The following NPLOC4 variants were observed in gnomAD, a reference collection of about 807,000 sequenced individuals.
NPLOC4 encodes nuclear protein localization protein 4 homolog.
A neutral mutation model predicts 80.6 loss-of-function variants in NPLOC4; 18 were observed. The ratio of observed to expected loss-of-function variants is 0.22; its 90% CI spans 0.15 to 0.33. The LOEUF (loss-of-function observed/expected upper bound fraction) is 0.33, where lower values mean the gene tolerates loss of function less well. Ranked by LOEUF, NPLOC4 falls within the 10% of genes least tolerant of loss-of-function variation. NPLOC4 has a pLI of 1.00. For synonymous variants in NPLOC4, 313 were observed against 301.5 expected (o/e 1.04, Z -0.39); for missense variants, 540 against 786.1 (o/e 0.69, Z 3.74).
At position 81,583,867 on chromosome 17, in the gene NPLOC4, G is replaced by A. The variant is rs141421364; in HGVS notation, c.1281+5077C>T. The stretch of plus-strand genomic sequence containing the variant: ...CACATCCATGTGCAAATGCCTATAC[G>A]TGTCTTCAAGAAAATAACAAAAAAA... On this transcript the variant is annotated intron_variant, in intron 12 of 16. Transcript: ENST00000331134. 8.9e-4 allele frequency among the ~76,000 whole-genome samples: 136 copies of A among 152,256 alleles called. No homozygotes were observed. In the East Asian group the frequency reaches 0.019, roughly 22 times the overall value.
At chr17:81,601,425 T>C (rs532647403) in intron 8 of NPLOC4, among the ~76,000 whole-genome samples, 1 of 152,294 alleles carries the variant, frequency 6.6e-6, no homozygotes, top group East Asian at 1.9e-4. Context: ...AAGCAAATTT[T>C]TGTGTGTGTA....
At chr17:81,594,692 G>A (rs530998862) in intron 11 of NPLOC4, among the ~76,000 whole-genome samples, 304 of 152,010 alleles carry the variant, frequency 2.0e-3, no homozygotes, top group African/African-American at 6.9e-3. Context: ...GGAGAATTGC[G>A]TGAACCCGGG....
chr17:81,634,058 C>T (rs776289742), intron 1 of NPLOC4, among the ~76,000 whole-genome samples: 18 of 150,830 alleles, frequency 1.2e-4, no homozygotes, highest in Non-Finnish European at 2.1e-4. Context: ...TTTTAGTAGA[C>T]GTGGGGTTTC....
intron 12 of NPLOC4, among the ~76,000 whole-genome samples, chr17:81,582,449 T>C (rs1228856679): frequency 6.6e-6 from 1 of 152,222 alleles, no homozygotes; most frequent in Non-Finnish European, 1.5e-5. Flanking sequence ...TCGCCCAGGC[T>C]GGAGTACAGT....
intron 12 of NPLOC4, among the ~76,000 whole-genome samples, chr17:81,574,528 GT>G (rs993503200): frequency 3.3e-5 from 5 of 152,094 alleles, no homozygotes; most frequent in African/African-American, 1.2e-4. Flanking sequence ...CTGGGAGGAG[GT>G]TGTCTTAATT....
chr17:81,575,163 G>A (rs536017479), intron 12 of NPLOC4, among the ~76,000 whole-genome samples: 1 of 152,206 alleles, frequency 6.6e-6, no homozygotes, highest in African/African-American at 2.4e-5. Flanking sequence ...GCAGTGGCGC[G>A]GTCTCGGCTC....
intron 16 of NPLOC4, chr17:81,562,944 A>AG (rs2033892442): frequency 6.9e-6 from 1 of 144,830 alleles, no homozygotes; most frequent in African/African-American, 2.6e-5. Flanking sequence ...TCTCAAAAAA[A>AG]AAAGGAGGGG....
At chr17:81,579,088 A>G (rs1236626715) in intron 12 of NPLOC4, among the ~76,000 whole-genome samples, 1 of 152,200 alleles carries the variant, frequency 6.6e-6, no homozygotes, top group East Asian at 1.9e-4. Context: ...GACTGCATGC[A>G]TTACTGTTTA....
rs1157840160 is a variant in NPLOC4 at position 81,601,955 on chromosome 17, G to A, written c.835-1528C>T. On this transcript the variant is annotated intron_variant, in intron 8 of 16. Transcript: ENST00000331134. ...GGCACCCCAGCCTGCCTCCCAGGCA[G>A]GTTATCTAAATAGGAGGCTAGCCAT... 2.6e-5 allele frequency among the ~76,000 whole-genome samples: 4 copies of A among 152,288 alleles called. No homozygotes were observed. In the South Asian group the frequency reaches 6.2e-4, roughly 24 times the overall value.
chr17:81,615,100 C>CTTT (rs1555686152), intron 3 of NPLOC4, among the ~76,000 whole-genome samples: 5 of 133,578 alleles, frequency 3.7e-5, no homozygotes, highest in Non-Finnish European at 7.8e-5. Context: ...ACGTCTGTTT[C>CTTT]TTTTTTTTTT....
intron 1 of NPLOC4, among the ~76,000 whole-genome samples, chr17:81,634,132 A>G (rs534580605): frequency 6.6e-6 from 1 of 151,626 alleles, no homozygotes; most frequent in Non-Finnish European, 1.5e-5. Flanking sequence ...TCGGCCTTCC[A>G]AAGTGCTAGG....
Position 81,567,219 on chromosome 17 carries a change from T to C in NPLOC4, c.1566+198A>G, listed in dbSNP as rs751946257. On this transcript the variant is annotated intron_variant, in intron 15 of 16. Coordinates refer to ENST00000331134, the MANE Select transcript of NPLOC4 (RefSeq NM_017921.4). The surrounding 1 kb of genome is among the most constrained non-coding windows in gnomAD (Gnocchi z 4.5). ...ATGCTAAAGGTGAAAAAATTAATCTTTCTATCAACAAGCTTCTTGTGAAAA... is the reference window on the plus strand; with the variant it reads ...ATGCTAAAGGTGAAAAAATTAATCTCTCTATCAACAAGCTTCTTGTGAAAA... 3.5e-5 allele frequency among the ~76,000 whole-genome samples: 4 copies of C among 114,298 alleles called. No individual in the cohort carries two copies. Among genetic ancestry groups the C allele is most frequent in the African/African-American group, 8.1e-5 (3 of 37,260 alleles). 75.0% of individuals were successfully genotyped at this position (114,298 alleles called of 152,430 possible). A position where few individuals can be genotyped will look rare whatever the true frequency, so the allele number is the denominator to read the frequency against.
intron 1 of NPLOC4, among the ~76,000 whole-genome samples, chr17:81,635,045 T>C (rs2036029362): frequency 6.6e-6 from 1 of 152,084 alleles, no homozygotes; most frequent in East Asian, 1.9e-4. Context: ...ATGTTTTTAA[T>C]TAAAAAGATT....
intron 12 of NPLOC4, among the ~76,000 whole-genome samples, chr17:81,573,935 A>G (rs1305399420): frequency 6.6e-6 from 1 of 152,176 alleles, no homozygotes; most frequent in Non-Finnish European, 1.5e-5. Context: ...CTTCCACGTG[A>G]CGAGTGGCTG....
intron 12 of NPLOC4, among the ~76,000 whole-genome samples, chr17:81,578,751 C>T (rs1354107458): frequency 3.3e-5 from 5 of 152,194 alleles, no homozygotes; most frequent in African/African-American, 9.7e-5. Flanking sequence ...TTATCTCCAC[C>T]TCATCTCTCC....
chr17:81,600,960 C>T (rs187790602), intron 8 of NPLOC4, among the ~76,000 whole-genome samples: 31 of 152,180 alleles, frequency 2.0e-4, no homozygotes, highest in African/African-American at 6.7e-4. Flanking sequence ...CCACAGAGAG[C>T]GATGAGCTCA....
At position 81,557,935 on chromosome 17, in the gene NPLOC4, TG is replaced by T. The variant is rs2033696016; in HGVS notation, c.*1323del. 1 of 152,736 alleles carries T rather than the reference TG, an allele frequency of 6.5e-6. No homozygotes were observed. The highest frequency in any genetic ancestry group is 2.1e-4 in the South Asian group (1 of 4,844). The allele number at this position is 152,736 out of a possible 1,614,324, so 9.5% of individuals were successfully genotyped here. ...TGTTCTCTGTTCATAGTGCCAAGAATGTGGGTCACGTGGGCTTACCCCCCAG... is the reference window on the plus strand; with the variant it reads ...TGTTCTCTGTTCATAGTGCCAAGAATTGGGTCACGTGGGCTTACCCCCCAG... On this transcript the variant is annotated 3_prime_UTR_variant, in exon 17 of 17. Coordinates refer to ENST00000331134, the MANE Select transcript of NPLOC4 (RefSeq NM_017921.4).
chr17:81,624,335 T>C (rs1410581568), intron 2 of NPLOC4, among the ~76,000 whole-genome samples: 1 of 152,110 alleles, frequency 6.6e-6, no homozygotes, highest in East Asian at 1.9e-4. Flanking sequence ...AGAGAATTGC[T>C]TGAAACCAGA....
At chr17:81,590,829 G>A (rs1163437485) in intron 11 of NPLOC4, among the ~76,000 whole-genome samples, 1 of 152,198 alleles carries the variant, frequency 6.6e-6, no homozygotes, top group Non-Finnish European at 1.5e-5. Flanking sequence ...GATAGAGCTG[G>A]CCGCCATGAA....
Sources: gnomAD v4.1 joint callset for allele counts (sites outside exome capture counted in the v4.1 genomes callset) on GRCh38, gnomAD v4.1.1 for gene constraint, Gnocchi (gnomAD v3.1) non-coding constraint, MANE v1.5 for transcripts, NCBI Gene and HGNC (gene_info 2026-07-23, HGNC 2026-07-21) for gene names.